SMOC1: variants seen among roughly 807,000 people sequenced by gnomAD.
SMOC1 encodes SPARC-related modular calcium-binding protein 1.
SMOC1 carries 22 observed loss-of-function variants against 56.3 expected under a neutral mutation model. The ratio of observed to expected loss-of-function variants is 0.39; its 90% CI spans 0.28 to 0.56. SMOC1 has a LOEUF of 0.56. Ranked by LOEUF, SMOC1 falls within the 20% of genes least tolerant of loss-of-function variation. SMOC1 has a pLI of 0.61. For synonymous variants in SMOC1, 193 were observed against 215.0 expected (o/e 0.90, Z 0.89); for missense variants, 509 against 565.4 (o/e 0.90, Z 1.01).
chr14:69,907,219 G>A (rs1377910863), intron 1 of SMOC1, among the ~76,000 whole-genome samples: 1 of 152,156 alleles, frequency 6.6e-6, no homozygotes, highest in Non-Finnish European at 1.5e-5. Flanking sequence ...AAGCAGCACT[G>A]TGGCATTTAA....
intron 5 of SMOC1, among the ~76,000 whole-genome samples, chr14:69,982,940 G>C (rs916374996): frequency 6.6e-6 from 1 of 152,208 alleles, no homozygotes; most frequent in South Asian, 2.1e-4. Flanking sequence ...GAGGCAGCTC[G>C]TTTGCTTTCT....
At chr14:69,917,627 C>A (rs760379145) in intron 1 of SMOC1, among the ~76,000 whole-genome samples, 1 of 152,184 alleles carries the variant, frequency 6.6e-6, no homozygotes, top group Admixed American at 6.5e-5. Flanking sequence ...GGTTACACTT[C>A]GGATGGTAAC....
At chr14:69,932,185 A>G (rs1273421696) in intron 1 of SMOC1, among the ~76,000 whole-genome samples, 4 of 152,256 alleles carry the variant, frequency 2.6e-5, no homozygotes, top group Admixed American at 6.5e-5. Context: ...GCAAAACACG[A>G]GTCCACCAGC....
chr14:69,948,181 A>T (rs993630616), intron 1 of SMOC1, among the ~76,000 whole-genome samples: 2 of 152,210 alleles, frequency 1.3e-5, no homozygotes, highest in African/African-American at 4.8e-5. Flanking sequence ...GGGTGATCTT[A>T]TTAGGGCATA....
At chr14:70,020,269 G>A (rs1325348030) in intron 10 of SMOC1, among the ~76,000 whole-genome samples, 2 of 151,894 alleles carry the variant, frequency 1.3e-5, no homozygotes, top group African/African-American at 2.4e-5. Context: ...TCACATCTTT[G>A]TGTAGGCTCT....
intron 7 of SMOC1, among the ~76,000 whole-genome samples, chr14:69,995,503 C>T (rs1027100875): frequency 6.6e-6 from 1 of 152,186 alleles, no homozygotes; most frequent in African/African-American, 2.4e-5. Context: ...TGTGAACCCC[C>T]TTGGGTCAGT....
At chr14:69,914,086 G>T (rs1884624046) in intron 1 of SMOC1, among the ~76,000 whole-genome samples, 1 of 152,196 alleles carries the variant, frequency 6.6e-6, no homozygotes, top group Non-Finnish European at 1.5e-5. Flanking sequence ...TTGAAGATGT[G>T]CAGATTTGAT....
At chr14:69,961,213 CTTG>C (rs1394496751) in intron 3 of SMOC1, among the ~76,000 whole-genome samples, 5 of 142,744 alleles carry the variant, frequency 3.5e-5, no homozygotes, top group Non-Finnish European at 6.0e-5. Flanking sequence ...AAGGCTCAGC[CTTG>C]TTGTAGCATG....
intron 7 of SMOC1, among the ~76,000 whole-genome samples, chr14:69,995,271 T>C (rs2139551279): frequency 6.6e-6 from 1 of 152,358 alleles, no homozygotes; most frequent in Non-Finnish European, 1.5e-5. Context: ...TGACAATCAA[T>C]TAATGAGTGT....
intron 1 of SMOC1, among the ~76,000 whole-genome samples, chr14:69,939,274 A>C (rs116743711): frequency 6.6e-6 from 1 of 152,228 alleles, no homozygotes; most frequent in Admixed American, 6.5e-5. Context: ...GAACAAAGGC[A>C]TATCTTACAT....
At chr14:69,937,117 C>T (rs558353766) in intron 1 of SMOC1, among the ~76,000 whole-genome samples, 9 of 152,210 alleles carry the variant, frequency 5.9e-5, no homozygotes, top group South Asian at 2.1e-4. Context: ...GTGGAGTTCC[C>T]GTTCTTTGAG....
intron 1 of SMOC1, among the ~76,000 whole-genome samples, chr14:69,918,309 C>T (rs1025962594): frequency 6.6e-6 from 1 of 151,826 alleles, no homozygotes; most frequent in Non-Finnish European, 1.5e-5. Context: ...GCTTACTGCA[C>T]CCTTGACCTT....
At chr14:70,010,074 A>G (rs891570093) in intron 7 of SMOC1, among the ~76,000 whole-genome samples, 1 of 152,182 alleles carries the variant, frequency 6.6e-6, no homozygotes, top group East Asian at 1.9e-4. Context: ...AGACATGCTC[A>G]TGTGTTACTG....
rs140071870 is a variant in SMOC1 at position 70,004,899 on chromosome 14, G to A, written c.665-5855G>A. Among the ~76,000 whole-genome samples, 77 of 152,184 alleles carry A rather than the reference G, an allele frequency of 5.1e-4. No individual in the cohort carries two copies. The Middle Eastern group carries it at 0.01, about 20-fold the overall frequency. On this transcript the variant is annotated intron_variant, in intron 7 of 11. Transcript: ENST00000361956. ...TGTCTACTGTCTGCTCTCTCCACCC[G>A]TCTCCCCCTTTGACCTCCACTTCCT...
intron 5 of SMOC1, among the ~76,000 whole-genome samples, chr14:69,983,955 T>A (rs1175789257): frequency 1.3e-5 from 2 of 152,192 alleles, no homozygotes; most frequent in Admixed American, 6.5e-5. Context: ...GAAAGAAAGA[T>A]GTGAGATTCA....
chr14:69,946,668 TC>T (rs1882795463), intron 1 of SMOC1, among the ~76,000 whole-genome samples: 1 of 152,170 alleles, frequency 6.6e-6, no homozygotes, highest in African/African-American at 2.4e-5. Flanking sequence ...CCTGAGCGAC[TC>T]CAAACTCCTG....
chr14:69,978,874 T>C (rs1019102145), intron 5 of SMOC1, among the ~76,000 whole-genome samples: 1 of 152,174 alleles, frequency 6.6e-6, no homozygotes, highest in East Asian at 1.9e-4. Flanking sequence ...CATAGGTCCC[T>C]GGAATATGCT....
chr14:70,019,115 A>G (rs1885622613), intron 10 of SMOC1, among the ~76,000 whole-genome samples: 1 of 152,218 alleles, frequency 6.6e-6, no homozygotes, highest in African/African-American at 2.4e-5. Flanking sequence ...AGCAAAACTG[A>G]AAGTGCTGTG....
At chr14:69,918,026 G>A (rs1400437959) in intron 1 of SMOC1, among the ~76,000 whole-genome samples, 1 of 152,120 alleles carries the variant, frequency 6.6e-6, no homozygotes, top group African/African-American at 2.4e-5. Flanking sequence ...TAACAAAAAT[G>A]TATATATGCA....
Sources: gnomAD v4.1 joint callset for allele counts (sites outside exome capture counted in the v4.1 genomes callset) on GRCh38, gnomAD v4.1.1 for gene constraint, MANE v1.5 for transcripts, NCBI Gene and HGNC (gene_info 2026-07-23, HGNC 2026-07-21) for gene names.